The following REV1 variants were observed in gnomAD, a reference collection of about 807,000 sequenced individuals.
The protein encoded by REV1 is REV1 DNA directed polymerase.
A neutral mutation model predicts 137.4 loss-of-function variants in REV1; 42 were observed. That is an observed-to-expected ratio of 0.31 (90% CI 0.24 to 0.40). The LOEUF (loss-of-function observed/expected upper bound fraction) is 0.40, where lower values mean the gene tolerates loss of function less well. REV1 is among the 10% of genes least tolerant of loss of function. REV1 has a pLI of 1.00. For synonymous variants in REV1, 524 were observed against 519.2 expected (o/e 1.01, Z -0.12); for missense variants, 1,282 against 1,490.1 (o/e 0.86, Z 2.30).
intron 1 of REV1, among the ~76,000 whole-genome samples, chr2:99,469,624 T>C (rs894957319): frequency 7.9e-5 from 12 of 152,314 alleles, no homozygotes; most frequent in Non-Finnish European, 1.3e-4. Flanking sequence ...TTCCATTCTC[T>C]CAATAGGGAT....
intron 12 of REV1, among the ~76,000 whole-genome samples, chr2:99,415,325 G>A (rs574394952): frequency 1.3e-5 from 2 of 152,294 alleles, no homozygotes; most frequent in South Asian, 4.2e-4. Flanking sequence ...AAATCTCAAC[G>A]AAGAGAGAGT....
chr2:99,404,320 C>T, intron 18 of REV1, 124 bp downstream of exon 18: 1 of 708,666 alleles, frequency 1.4e-6, no homozygotes, highest in East Asian at 3.0e-5. Flanking sequence ...CCTCCCCTCC[C>T]CTCCCCTCCC....
intron 5 of REV1, among the ~76,000 whole-genome samples, chr2:99,441,757 A>AAG: frequency 6.6e-6 from 1 of 152,344 alleles, no homozygotes; most frequent in South Asian, 2.1e-4. Flanking sequence ...ATTAACAATT[A>AAG]AGATCCACTA....
At chr2:99,471,113 C>T (rs1461668480) in intron 1 of REV1, among the ~76,000 whole-genome samples, 1 of 148,544 alleles carries the variant, frequency 6.7e-6, no homozygotes, top group African/African-American at 2.5e-5. Flanking sequence ...CAGCCTGTGG[C>T]CACCCCTTAT....
chr2:99,451,865 A>G (rs1682961707), intron 3 of REV1, among the ~76,000 whole-genome samples: 1 of 152,162 alleles, frequency 6.6e-6, no homozygotes, highest in Non-Finnish European at 1.5e-5. Flanking sequence ...TGCACTATGG[A>G]CAGCAGCCAG....
At chr2:99,443,885 C>T (rs1044410150) in intron 4 of REV1, among the ~76,000 whole-genome samples, 7 of 152,158 alleles carry the variant, frequency 4.6e-5, no homozygotes, top group African/African-American at 1.7e-4. Context: ...CTCTGTCGCC[C>T]AGGCTGGAGT....
intron 11 of REV1, among the ~76,000 whole-genome samples, chr2:99,419,923 T>G (rs1408056167): frequency 4.6e-5 from 7 of 152,190 alleles, no homozygotes; most frequent in Non-Finnish European, 7.3e-5. Context: ...GGGAAAGTTC[T>G]GGGAAGTCAC....
chr2:99,472,537 TAAG>T (rs1685534540), intron 1 of REV1, among the ~76,000 whole-genome samples: 1 of 152,156 alleles, frequency 6.6e-6, no homozygotes, highest in Non-Finnish European at 1.5e-5. Context: ...GTACCACAAT[TAAG>T]AAGAAAAGAG....
rs1458246661 is a variant in REV1, at chr2:99,400,840, G to GAGCTT, written c.*396_*400dup. 6.5e-6 allele frequency: 1 copy of GAGCTT among 154,396 alleles called. No homozygotes were observed. The highest frequency in any genetic ancestry group is 1.4e-5 in the Non-Finnish European group (1 of 69,368). 9.6% of individuals were successfully genotyped at this position (154,396 alleles called of 1,614,324 possible). A position where few individuals can be genotyped will look rare whatever the true frequency, so the allele number is the denominator to read the frequency against. On this transcript the variant is annotated 3_prime_UTR_variant, in exon 23 of 23. Coordinates refer to ENST00000258428, the MANE Select transcript of REV1 (RefSeq NM_016316.4). ...GGTCTGAGACCTCTCAGGAATTTCA[G>GAGCTT]AGCTTAGCAGTCTGGCCTGGAGGTT...
At chr2:99,422,353 C>T (rs557431914) in intron 10 of REV1, among the ~76,000 whole-genome samples, 1 of 152,272 alleles carries the variant, frequency 6.6e-6, no homozygotes, top group African/African-American at 2.4e-5. Context: ...ACTAAGAAAT[C>T]ACAAAATAGA....
intron 3 of REV1, among the ~76,000 whole-genome samples, chr2:99,450,451 C>T (rs980236650): frequency 3.3e-5 from 5 of 152,150 alleles, no homozygotes; most frequent in African/African-American, 1.2e-4. Flanking sequence ...TGTGGCTTAT[C>T]GCAAGCTTAA....
chr2:99,447,141 T>C (rs867392395), intron 4 of REV1, among the ~76,000 whole-genome samples: 36 of 151,932 alleles, frequency 2.4e-4, no homozygotes, highest in African/African-American at 8.2e-4. Context: ...ATCCTTAATA[T>C]GTAAAATGTT....
intron 6 of REV1, among the ~76,000 whole-genome samples, chr2:99,438,266 T>C (rs1297799388): frequency 6.6e-6 from 1 of 152,206 alleles, no homozygotes; most frequent in African/African-American, 2.4e-5. Context: ...ATTTCATTCT[T>C]ACAGGAGTTT....
intron 3 of REV1, among the ~76,000 whole-genome samples, chr2:99,455,531 T>G (rs1679069137): frequency 6.6e-6 from 1 of 152,162 alleles, no homozygotes; most frequent in South Asian, 2.1e-4. Flanking sequence ...AGGTGCAAAT[T>G]TCACATCAGG....
chr2:99,416,988 G>C (rs1255211790), intron 12 of REV1, among the ~76,000 whole-genome samples: 2 of 151,162 alleles, frequency 1.3e-5, no homozygotes, highest in African/African-American at 2.4e-5. Context: ...AGGATTACTA[G>C]GTCAAGTAGC....
intron 12 of REV1, among the ~76,000 whole-genome samples, chr2:99,418,445 G>A (rs1678190114): frequency 6.6e-6 from 1 of 152,316 alleles, no homozygotes; most frequent in East Asian, 1.9e-4. Flanking sequence ...TAGTCCTGCA[G>A]CATGACATAG....
Position 99,488,337 on chromosome 2 carries a change from T to C in REV1, c.-11+1480A>G, listed in dbSNP as rs539822720. 4.2e-5 allele frequency among the ~76,000 whole-genome samples: 5 copies of C among 118,944 alleles called. 1 individual carries two copies. The South Asian group carries it at 7.2e-4, about 17-fold the overall frequency. The allele number at this position is 118,944 out of a possible 152,430, so 78.0% of individuals were successfully genotyped here. The stretch of plus-strand genomic sequence containing the variant: ...AAATTATGTTCTACTTGAGACCTCA[T>C]AGAAATTAATTTTAAAAGAGCAATT... On this transcript the variant is annotated intron_variant, in intron 1 of 22. Coordinates refer to ENST00000258428, the MANE Select transcript of REV1 (RefSeq NM_016316.4).
At chr2:99,428,777 C>T (rs1369903570) in intron 9 of REV1, among the ~76,000 whole-genome samples, 5 of 152,026 alleles carry the variant, frequency 3.3e-5, no homozygotes, top group South Asian at 4.2e-4. Flanking sequence ...GGATGGATCA[C>T]GAGGTCAGTT....
intron 7 of REV1, 27 bp downstream of exon 7, chr2:99,435,807 T>C (rs751427991): frequency 8.6e-7 from 1 of 1,165,132 alleles, no homozygotes; most frequent in Non-Finnish European, 1.2e-6. Flanking sequence ...ATATCAGTTT[T>C]CTTAAAACAT....
Sources: allele counts gnomAD v4.1 joint callset (sites outside exome capture counted in the v4.1 genomes callset), GRCh38; gene constraint gnomAD v4.1.1; transcripts MANE v1.5; gene names NCBI Gene and HGNC (gene_info 2026-07-23, HGNC 2026-07-21).